The following ICA1 variants were observed in gnomAD, a reference collection of about 807,000 sequenced individuals.
ICA1 encodes the protein islet cell autoantigen 1.
In ICA1, 40 loss-of-function variants were observed where a neutral mutation model predicts 71.0. The observed-to-expected ratio is 0.56, with a 90% confidence interval of 0.44 to 0.73. ICA1 has a LOEUF of 0.73. ICA1 is among the 30% of genes least tolerant of loss of function. The probability of loss-of-function intolerance (pLI) is 0.00; values close to 1 mark genes in which losing one functional copy is unlikely to be tolerated. For missense variants in ICA1, 578 were observed against 576.5 expected, an observed-to-expected ratio of 1.00 and a Z score of -0.03; for synonymous variants, 207 against 209.5, an observed-to-expected ratio of 0.99 and a Z score of 0.10.
At chr7:8,250,033 T>A (rs1807595179) in intron 1 of ICA1, among the ~76,000 whole-genome samples, 1 of 152,198 alleles carries the variant, frequency 6.6e-6, no homozygotes, top group Non-Finnish European at 1.5e-5. Flanking sequence ...GCCAATAGTC[T>A]TCAGAGCCAG....
chr7:8,188,962 C>T (rs1359638241), intron 6 of ICA1, among the ~76,000 whole-genome samples: 2 of 152,162 alleles, frequency 1.3e-5, no homozygotes, highest in Non-Finnish European at 2.9e-5. Context: ...AGCTATGCTT[C>T]CCAGTGAACC....
intron 13 of ICA1, among the ~76,000 whole-genome samples, chr7:8,120,204 C>A (rs1786355485): frequency 6.6e-6 from 1 of 152,180 alleles, no homozygotes; most frequent in African/African-American, 2.4e-5. Flanking sequence ...GAAACAACAG[C>A]CAGTTTGCCA....
At chr7:8,152,553 TCCACCA>T (rs1228620631) in intron 8 of ICA1, among the ~76,000 whole-genome samples, 329 of 26,990 alleles carry the variant, frequency 0.012, 5 homozygotes, top group African/African-American at 0.02. Context: ...CATCACCACC[TCCACCA>T]CCACCACCAC....
At chr7:8,228,815 T>C (rs1017364781) in intron 3 of ICA1, 142 bp from the exon 4 acceptor site, 32 of 488,216 alleles carry the variant, frequency 6.6e-5, no homozygotes, top group Admixed American at 1.6e-4. Context: ...TGCGGTGTAC[T>C]ATACAGAAAC....
At chr7:8,237,430 T>C (rs755520632) in intron 1 of ICA1, among the ~76,000 whole-genome samples, 13 of 152,258 alleles carry the variant, frequency 8.5e-5, no homozygotes, top group Non-Finnish European at 1.9e-4. Flanking sequence ...GGATAGTTGG[T>C]ACTTTTTGAT....
intron 10 of ICA1, 44 bp from the exon 11 acceptor site, chr7:8,139,091 G>GT: frequency 6.8e-7 from 1 of 1,466,982 alleles, no homozygotes; most frequent in East Asian, 2.3e-5. Context: ...ACTCGAAATG[G>GT]TGTGCATGTT....
At chr7:8,219,257 C>T (rs977444549) in intron 5 of ICA1, among the ~76,000 whole-genome samples, 2 of 152,246 alleles carry the variant, frequency 1.3e-5, no homozygotes, top group Non-Finnish European at 2.9e-5. Flanking sequence ...CTTCTTCCAT[C>T]TCCCTACCCA....
At chr7:8,220,174 T>C (rs573826793) in intron 5 of ICA1, among the ~76,000 whole-genome samples, 168 of 152,298 alleles carry the variant, frequency 1.1e-3, no homozygotes, top group African/African-American at 3.5e-3. Flanking sequence ...CAAATACCTT[T>C]CTTGGGAAAT....
intron 7 of ICA1, 196 bp downstream of exon 7, chr7:8,158,331 G>A: frequency 3.3e-6 from 2 of 599,856 alleles, no homozygotes; most frequent in East Asian, 5.8e-5. Context: ...GGAAATTATG[G>A]TATATACAGG....
chr7:8,178,574 C>CTT, intron 6 of ICA1, among the ~76,000 whole-genome samples: 1 of 138,224 alleles, frequency 7.2e-6, no homozygotes, highest in African/African-American at 2.7e-5. Context: ...TTGGTGTGGT[C>CTT]TTTTTTTTTT....
chr7:8,238,586 T>C (rs1351220494), intron 1 of ICA1, among the ~76,000 whole-genome samples: 1 of 152,218 alleles, frequency 6.6e-6, no homozygotes, highest in Non-Finnish European at 1.5e-5. Flanking sequence ...TATTTTCTCA[T>C]ATTCTGTAGG....
At chr7:8,157,074 A>T in intron 8 of ICA1, 42 bp downstream of exon 8, 1 of 1,614,106 alleles carries the variant, frequency 6.2e-7, no homozygotes, top group Non-Finnish European at 8.5e-7. Flanking sequence ...ACAAAACTTT[A>T]CTTTTCTCAA....
chr7:8,200,063 T>C (rs567662893), intron 6 of ICA1, among the ~76,000 whole-genome samples: 92 of 152,232 alleles, frequency 6.0e-4, no homozygotes, highest in African/African-American at 2.0e-3. Context: ...AAGAGTATAA[T>C]TGAATTGTTT....
At chr7:8,115,154 T>G (rs1784397144) in intron 13 of ICA1, among the ~76,000 whole-genome samples, 1 of 152,260 alleles carries the variant, frequency 6.6e-6, no homozygotes, top group Non-Finnish European at 1.5e-5. Context: ...AAAAAAAGTC[T>G]TTTGTAGATA....
chr7:8,208,744 C>T (rs1330765468), intron 6 of ICA1, among the ~76,000 whole-genome samples: 1 of 152,176 alleles, frequency 6.6e-6, no homozygotes, highest in Non-Finnish European at 1.5e-5. Flanking sequence ...ATACCTTCTT[C>T]AGGAGCTACC....
At chr7:8,194,154 G>A (rs945313196) in intron 6 of ICA1, among the ~76,000 whole-genome samples, 10 of 152,140 alleles carry the variant, frequency 6.6e-5, no homozygotes, top group African/African-American at 2.2e-4. Context: ...TTCCTCCAAA[G>A]CTGGCTTGCT....
chr7:8,237,873 T>C (rs1196074757), intron 1 of ICA1, among the ~76,000 whole-genome samples: 2 of 151,886 alleles, frequency 1.3e-5, no homozygotes, highest in African/African-American at 4.8e-5. Context: ...TAACCATTCA[T>C]GTGTCAATGG....
At chr7:8,162,729 C>T (rs968288773) in intron 6 of ICA1, among the ~76,000 whole-genome samples, 1 of 152,102 alleles carries the variant, frequency 6.6e-6, no homozygotes, top group Non-Finnish European at 1.5e-5. Context: ...TCTGTTACCC[C>T]ATCTATCTTC....
Position 8,185,968 on chromosome 7 carries a change from C to T in ICA1, c.580-27316G>A, listed in dbSNP as rs954453415. Among the ~76,000 whole-genome samples the T allele has an allele frequency of 3.9e-5, 6 of 152,046 alleles. No homozygotes were observed. The East Asian group carries it at 5.8e-4, about 15-fold the overall frequency. On this transcript the variant is annotated intron_variant, in intron 6 of 13. Transcript: ENST00000402384. ...AGACACAGTTTCTTTCTTCAAGGGT[C>T]GTATTCTGAAAGAGGAGCTATACAG...
Sources: allele counts gnomAD v4.1 joint callset (sites outside exome capture counted in the v4.1 genomes callset), GRCh38; gene constraint gnomAD v4.1.1; transcripts MANE v1.5; gene names NCBI Gene and HGNC (gene_info 2026-07-23, HGNC 2026-07-21).